The following FRY variants were observed in gnomAD, a reference collection of about 807,000 sequenced individuals.
FRY encodes FRY microtubule binding protein.
A neutral mutation model predicts 348.4 loss-of-function variants in FRY; 128 were observed. That is an observed-to-expected ratio of 0.37 (90% CI 0.32 to 0.43). The LOEUF (loss-of-function observed/expected upper bound fraction) is 0.43. Ranked by LOEUF, FRY falls within the 20% of genes least tolerant of loss-of-function variation. The pLI is 1.00. For synonymous variants in FRY, 1,370 were observed against 1,374.7 expected (o/e 1.00, Z 0.08); for missense variants, 2,736 against 3,695.2 (o/e 0.74, Z 6.73).
At chr13:32,244,729 G>T (rs937664354) in intron 47 of FRY, among the ~76,000 whole-genome samples, 1 of 152,152 alleles carries the variant, frequency 6.6e-6, no homozygotes, top group African/African-American at 2.4e-5. Flanking sequence ...AATAGTTGAT[G>T]AATAGTACAA....
intron 2 of FRY, among the ~76,000 whole-genome samples, chr13:32,099,161 A>G (rs1162025704): frequency 1.3e-5 from 2 of 152,010 alleles, no homozygotes; most frequent in Admixed American, 1.3e-4. Flanking sequence ...GCATTGGCCA[A>G]AGTAAAACTT....
chr13:32,159,985 C>T (rs925391806), intron 16 of FRY, among the ~76,000 whole-genome samples: 1 of 152,108 alleles, frequency 6.6e-6, no homozygotes, highest in African/African-American at 2.4e-5. Flanking sequence ...AGAAAATAAT[C>T]TTATGACTGC....
In FRY at chr13:32,232,369, C is replaced by T. The variant is rs532233837; in HGVS notation, c.5527+1069C>T. The stretch of plus-strand genomic sequence containing the variant: ...ACTGATTCTGATTTCCTTGTACATC[C>T]CTGCTTTTGGCCTGTTTTCTCTATA... On this transcript the variant is annotated intron_variant, in intron 41 of 60. Transcript: ENST00000542859. Among the ~76,000 whole-genome samples the T allele has an allele frequency of 1.1e-4, 16 of 152,260 alleles. No individual in the cohort carries two copies. In the South Asian group the frequency reaches 3.3e-3, roughly 32 times the overall value.
At chr13:32,103,137 C>G (rs457793) in intron 3 of FRY, among the ~76,000 whole-genome samples, 97,901 of 152,134 alleles carry the variant, frequency 0.64, 31,869 homozygotes, top group Middle Eastern at 0.69. Context: ...AGCCCTGCAA[C>G]GGTGGCGTGG....
chr13:32,210,854 T>C lies in FRY; in HGVS notation c.4423-12T>C, dbSNP rs1206088413. ...CTGTGAAACATCCCTTGTTTTCTTTTTTCCTTCTCAGATTAAAAAAGTGGC... is the reference window on the plus strand; with the variant it reads ...CTGTGAAACATCCCTTGTTTTCTTTCTTCCTTCTCAGATTAAAAAAGTGGC... On this transcript the variant is annotated splice_polypyrimidine_tract_variant and intron_variant, in intron 33 of 60. Coordinates refer to ENST00000542859, the MANE Select transcript of FRY (RefSeq NM_023037.3). 1 of 1,612,918 alleles carries C rather than the reference T, an allele frequency of 6.2e-7. No individual in the cohort carries two copies. Among genetic ancestry groups the C allele is most frequent in the African/African-American group, 1.3e-5 (1 of 74,910 alleles).
intron 59 of FRY, among the ~76,000 whole-genome samples, chr13:32,290,371 G>C (rs570068476): frequency 1.5e-4 from 23 of 152,146 alleles, no homozygotes; most frequent in Non-Finnish European, 3.2e-4. Context: ...CTAGGGGTAA[G>C]AAAGGTTGAA....
intron 1 of FRY, among the ~76,000 whole-genome samples, chr13:32,071,328 A>G (rs1469887280): frequency 6.6e-6 from 1 of 152,114 alleles, no homozygotes; most frequent in Non-Finnish European, 1.5e-5. Flanking sequence ...ATGGATATTG[A>G]TTCTTCCTAT....
At chr13:32,151,973 A>G (rs1280393983) in intron 14 of FRY, among the ~76,000 whole-genome samples, 1 of 152,256 alleles carries the variant, frequency 6.6e-6, no homozygotes, top group Admixed American at 6.5e-5. Flanking sequence ...AAATCAGTAT[A>G]TTCTAGTTAT....
At chr13:32,105,627 T>C (rs1471286872) in intron 3 of FRY, among the ~76,000 whole-genome samples, 2 of 152,346 alleles carry the variant, frequency 1.3e-5, no homozygotes, top group South Asian at 2.1e-4. Context: ...GAAAAGAATA[T>C]GCTGGAGATG....
At chr13:32,091,804 T>A (rs1876330903) in intron 2 of FRY, among the ~76,000 whole-genome samples, 1 of 152,330 alleles carries the variant, frequency 6.6e-6, no homozygotes, top group Middle Eastern at 3.4e-3. Flanking sequence ...CAACTGATTA[T>A]GTGTATCCTC....
chr13:32,069,324 T>C (rs190502504), intron 1 of FRY, among the ~76,000 whole-genome samples: 195 of 152,292 alleles, frequency 1.3e-3, no homozygotes, highest in African/African-American at 2.9e-3. Flanking sequence ...GAGACCTTCA[T>C]GGCCTAAGGA....
intron 26 of FRY, 142 bp downstream of exon 26, chr13:32,185,290 C>T (rs907704550): frequency 4.1e-6 from 3 of 727,110 alleles, no homozygotes; most frequent in Admixed American, 4.0e-5. Flanking sequence ...GATACTAGGA[C>T]ATATATATGA....
intron 14 of FRY, among the ~76,000 whole-genome samples, chr13:32,154,670 A>G (rs1490244118): frequency 1.3e-5 from 2 of 152,250 alleles, no homozygotes; most frequent in Admixed American, 6.5e-5. Context: ...AATTATTTTC[A>G]TCAGTCCTAG....
At position 32,224,277 on chromosome 13, in the gene FRY, C is replaced by G; in HGVS notation, c.4808C>G (p.Thr1603Arg). The change falls in exon 37 of 61, where the codon ACA becomes AGA. Residue 1603 changes from threonine to arginine, a missense_variant. Physicochemically the swap from Thr to Arg is moderately conservative, Grantham distance 71. This residue lies in a region of FRY where 794 missense variants were observed against 977.0 expected (regional missense o/e 0.81). Coordinates refer to ENST00000542859, the MANE Select transcript of FRY (RefSeq NM_023037.3). ...SPYTGWLLTI[T>R]ETKQPQPLPM... is the part of the protein sequence containing the mutation. ...TACACGGGCTGGTTGCTGACTATTA[C>G]AGAGACCAAGCAGCCGCAGCCCTTA... 1 of 1,614,004 alleles carries G rather than the reference C, an allele frequency of 6.2e-7. No individual in the cohort carries two copies. Among genetic ancestry groups the G allele is most frequent in the Non-Finnish European group, 8.5e-7 (1 of 1,179,920 alleles).
In FRY at chr13:32,286,747, CAAAAAAAAAAAAAAAAAAA is replaced by C. The variant is rs6144991; in HGVS notation, c.8470-2867_8470-2849del. On this transcript the variant is annotated intron_variant, in intron 58 of 60. Transcript: ENST00000542859. ...GGGGAGACAGAGCAAGACTCTGTCT[CAAAAAAAAAAAAAAAAAAA>C]AAAAAAAAAAAAAAAAAAGATGGTA... 7.7e-5 allele frequency among the ~76,000 whole-genome samples: 6 copies of C among 77,510 alleles called. No homozygotes were observed. The East Asian group carries it at 3.1e-3, about 41-fold the overall frequency. 50.8% of individuals were successfully genotyped at this position (77,510 alleles called of 152,430 possible).
intron 58 of FRY, among the ~76,000 whole-genome samples, chr13:32,280,911 T>C (rs531918549): frequency 6.6e-6 from 1 of 152,252 alleles, no homozygotes; most frequent in Non-Finnish European, 1.5e-5. Flanking sequence ...GGTTTATTTC[T>C]ATTAAGTTGT....
At chr13:32,218,236 G>A (rs777918025) in intron 35 of FRY, among the ~76,000 whole-genome samples, 2 of 152,150 alleles carry the variant, frequency 1.3e-5, no homozygotes, top group Admixed American at 1.3e-4. Context: ...TTCAAGGTTT[G>A]GACTTGTGCT....
chr13:32,087,727 T>C (rs1875975686), intron 2 of FRY, among the ~76,000 whole-genome samples: 1 of 152,208 alleles, frequency 6.6e-6, no homozygotes, highest in South Asian at 2.1e-4. Flanking sequence ...ATTTCATTCA[T>C]TCACATGAGT....
intron 1 of FRY, among the ~76,000 whole-genome samples, chr13:32,059,676 TC>T (rs11329994): frequency 0.61 from 92,187 of 151,658 alleles, 28,207 homozygotes; most frequent in Admixed American, 0.63. Flanking sequence ...TGGTATTTCA[TC>T]CCCTCACACC....
Sources: allele counts gnomAD v4.1 joint callset (sites outside exome capture counted in the v4.1 genomes callset), GRCh38; gene constraint gnomAD v4.1.1; regional missense constraint gnomAD v4.1.1; transcripts MANE v1.5; gene names NCBI Gene and HGNC (gene_info 2026-07-23, HGNC 2026-07-21).